PCED1B: variants seen among roughly 807,000 people sequenced by gnomAD.
PCED1B encodes the protein PC-esterase domain containing 1B.
For synonymous variants in PCED1B, 251 were observed against 246.1 expected (o/e 1.02, Z -0.19); for missense variants, 573 against 573.9 (o/e 1.00, Z 0.02).
chr12:47,171,866 CCTTCTT>C (rs138269266), intron 2 of PCED1B, among the ~76,000 whole-genome samples: 11 of 147,694 alleles, frequency 7.4e-5, no homozygotes, highest in Admixed American at 6.7e-5. Context: ...TTCTTCTTCT[CCTTCTT>C]CTTCTTTTCT....
intron 2 of PCED1B, among the ~76,000 whole-genome samples, chr12:47,205,114 T>G (rs1292126746): frequency 6.6e-6 from 1 of 151,722 alleles, no homozygotes; most frequent in Non-Finnish European, 1.5e-5. Flanking sequence ...GGGATCAGAG[T>G]TTTTAAGGAT....
intron 3 of PCED1B, among the ~76,000 whole-genome samples, chr12:47,217,734 T>G (rs2543740): frequency 0.36 from 54,852 of 151,356 alleles, 12,461 homozygotes; most frequent in African/African-American, 0.65. Context: ...GCGACACCAC[T>G]CCCAGCTAAT....
At chr12:47,219,085 G>C (rs765805628) in intron 3 of PCED1B, among the ~76,000 whole-genome samples, 2 of 152,088 alleles carry the variant, frequency 1.3e-5, no homozygotes, top group African/African-American at 4.8e-5. Flanking sequence ...GGGATGTAGC[G>C]AGCCAAGATT....
chr12:47,186,841 T>C (rs145525319), intron 2 of PCED1B, among the ~76,000 whole-genome samples: 8 of 152,312 alleles, frequency 5.3e-5, no homozygotes, highest in African/African-American at 1.9e-4. Context: ...CACAAAATCT[T>C]GTCTTTACTT....
At chr12:47,227,526 C>G (rs978134962) in intron 3 of PCED1B, among the ~76,000 whole-genome samples, 1 of 151,936 alleles carries the variant, frequency 6.6e-6, no homozygotes, top group Non-Finnish European at 1.5e-5. Flanking sequence ...CCCTCTCTTT[C>G]CTTCTCACAG....
At chr12:47,106,266 T>C (rs562800984) in intron 2 of PCED1B, among the ~76,000 whole-genome samples, 2 of 152,272 alleles carry the variant, frequency 1.3e-5, no homozygotes, top group East Asian at 3.9e-4. Flanking sequence ...GACTTGGTGT[T>C]TTCCATTTTC....
intron 3 of PCED1B, among the ~76,000 whole-genome samples, chr12:47,223,305 G>T (rs576218881): frequency 1.3e-5 from 2 of 151,836 alleles, no homozygotes; most frequent in Non-Finnish European, 3.0e-5. Context: ...CCACTGAAAG[G>T]AGCAACAGGG....
intron 2 of PCED1B, among the ~76,000 whole-genome samples, chr12:47,160,361 G>A (rs1372251916): frequency 8.0e-6 from 1 of 124,380 alleles, no homozygotes; most frequent in Non-Finnish European, 1.6e-5. Context: ...GTACAGTGGT[G>A]CAATCACAGC....
intron 2 of PCED1B, among the ~76,000 whole-genome samples, chr12:47,153,384 T>C (rs541637578): frequency 2.1e-5 from 3 of 145,914 alleles, no homozygotes; most frequent in East Asian, 2.0e-4. Flanking sequence ...AAAGAGAATA[T>C]AGAAATTTAG....
At chr12:47,086,299 TA>T (rs2137150185) in intron 1 of PCED1B, among the ~76,000 whole-genome samples, 2 of 59,668 alleles carry the variant, frequency 3.4e-5, no homozygotes, top group African/African-American at 1.4e-4. Flanking sequence ...GAAATAAAAA[TA>T]AAAATAACAA....
chr12:47,157,018 T>C (rs930969884), intron 2 of PCED1B, among the ~76,000 whole-genome samples: 2 of 152,150 alleles, frequency 1.3e-5, no homozygotes, highest in Non-Finnish European at 2.9e-5. Flanking sequence ...GTAAAACTTG[T>C]CTCCTTCTAG....
At chr12:47,099,321 T>C (rs968148782) in intron 1 of PCED1B, among the ~76,000 whole-genome samples, 3 of 152,202 alleles carry the variant, frequency 2.0e-5, no homozygotes, top group Non-Finnish European at 2.9e-5. Context: ...GCAGATCACT[T>C]ACTATCCCCT....
At chr12:47,206,266 A>C (rs1942908084) in intron 2 of PCED1B, 1 of 152,224 alleles carries the variant, frequency 6.6e-6, no homozygotes, top group East Asian at 1.9e-4. Context: ...TAGTCCTACA[A>C]AGGCCATCTA....
At chr12:47,095,385 T>C (rs1057226471) in intron 1 of PCED1B, among the ~76,000 whole-genome samples, 1 of 152,156 alleles carries the variant, frequency 6.6e-6, no homozygotes, top group African/African-American at 2.4e-5. Context: ...CTCTTTATCT[T>C]TGGTTTTCAA....
intron 2 of PCED1B, among the ~76,000 whole-genome samples, chr12:47,184,025 A>AT (rs1489320592): frequency 1.3e-5 from 2 of 152,000 alleles, no homozygotes; most frequent in Admixed American, 1.3e-4. Context: ...TAGAGAGAAT[A>AT]TTTTTCTTTT....
At position 47,194,837 on chromosome 12, in the gene PCED1B, G is replaced by A. The variant is rs563689632; in HGVS notation, c.-525-21385G>A. Among the ~76,000 whole-genome samples the A allele has an allele frequency of 6.6e-5, 10 of 152,230 alleles. No homozygotes were observed. The South Asian group carries it at 1.7e-3, about 25-fold the overall frequency. ...GTGTGGCTAAATTCGAGAGTAAATG[G>A]CATTGTTGTGTTCAGAAACAGCACT... On this transcript the variant is annotated intron_variant, in intron 2 of 3. Transcript: ENST00000546455.
At chr12:47,126,765 G>C (rs1310712077) in intron 2 of PCED1B, among the ~76,000 whole-genome samples, 1 of 152,038 alleles carries the variant, frequency 6.6e-6, no homozygotes, top group Non-Finnish European at 1.5e-5. Context: ...TGTCATCTAA[G>C]TTGTCAAATT....
chr12:47,138,229 T>C (rs1940461916), intron 2 of PCED1B: 1 of 152,194 alleles, frequency 6.6e-6, no homozygotes, highest in South Asian at 2.1e-4. Context: ...GATATTTCCA[T>C]TTGGTGCCTG....
chr12:47,159,229 A>G (rs912199890), intron 2 of PCED1B, among the ~76,000 whole-genome samples: 1 of 152,146 alleles, frequency 6.6e-6, no homozygotes, highest in Non-Finnish European at 1.5e-5. Context: ...CGTTTAATAT[A>G]CTGATTTCTT....
Sources: gnomAD v4.1 joint callset for allele counts (sites outside exome capture counted in the v4.1 genomes callset) on GRCh38, gnomAD v4.1.1 for gene constraint, MANE v1.5 for transcripts, NCBI Gene and HGNC (gene_info 2026-07-23, HGNC 2026-07-21) for gene names.